CSMD1: variants seen among roughly 807,000 people sequenced by gnomAD.
CSMD1 encodes the protein CUB and sushi domain-containing protein 1.
A neutral mutation model predicts 417.5 loss-of-function variants in CSMD1; 213 were observed. The observed-to-expected ratio is 0.51, with a 90% CI of 0.46 to 0.57. The LOEUF (loss-of-function observed/expected upper bound fraction) is 0.57. CSMD1 is among the 20% of genes least tolerant of loss of function. The pLI is 0.00. For missense variants in CSMD1, 6,923 were observed against 4,529.7 expected (o/e 1.53, Z -15.17); for synonymous variants, 2,862 against 1,736.8 (o/e 1.65, Z -16.11).
In CSMD1 at chr8:4,543,350, T is replaced by C. The variant is rs73661521; in HGVS notation, c.302+93992A>G. 6.2e-3 allele frequency among the ~76,000 whole-genome samples: 950 copies of C among 152,234 alleles called. 10 individuals are homozygous for C. The highest frequency in any genetic ancestry group is 0.022 in the African/African-American group (904 of 41,560). On this transcript the variant is annotated intron_variant, in intron 2 of 69. Transcript: ENST00000635120. ...ACCACCCATCCTTTTAGCGTCCCCATAGTTCTGCCTTTTCCAGAATGTCAT... is the reference window on the plus strand; with the variant it reads ...ACCACCCATCCTTTTAGCGTCCCCACAGTTCTGCCTTTTCCAGAATGTCAT...
intron 1 of CSMD1, among the ~76,000 whole-genome samples, chr8:4,876,004 G>A (rs1350133154): frequency 6.6e-6 from 1 of 151,972 alleles, no homozygotes; most frequent in Non-Finnish European, 1.5e-5. Flanking sequence ...TTATAGTAAA[G>A]AGTAAAAAGT....
At chr8:3,425,129 C>G (rs771071644) in intron 12 of CSMD1, among the ~76,000 whole-genome samples, 1 of 152,188 alleles carries the variant, frequency 6.6e-6, no homozygotes, top group Non-Finnish European at 1.5e-5. Flanking sequence ...CCTATTTTAT[C>G]ATTAGTCATT....
At chr8:2,944,991 T>C (rs1356102541) in intron 68 of CSMD1, among the ~76,000 whole-genome samples, 2 of 152,218 alleles carry the variant, frequency 1.3e-5, no homozygotes, top group Admixed American at 1.3e-4. Flanking sequence ...GTTTGTGAAT[T>C]ACATAACCAA....
chr8:4,805,964 T>C (rs1245834429), intron 1 of CSMD1, among the ~76,000 whole-genome samples: 2 of 152,162 alleles, frequency 1.3e-5, no homozygotes, highest in African/African-American at 4.8e-5. Context: ...GATTTTTTAA[T>C]TACCAAGGGC....
chr8:3,174,870 C>G (rs1820807826), intron 37 of CSMD1, among the ~76,000 whole-genome samples: 2 of 152,058 alleles, frequency 1.3e-5, no homozygotes, highest in East Asian at 3.9e-4. Flanking sequence ...GGCAGTTTAT[C>G]ACTTTAAAAA....
chr8:4,749,694 T>G (rs1479739141), intron 1 of CSMD1, among the ~76,000 whole-genome samples: 2 of 152,194 alleles, frequency 1.3e-5, no homozygotes, highest in South Asian at 2.1e-4. Context: ...AAGTTAGCAA[T>G]TTCAACTTAA....
chr8:4,077,206 G>C (rs983143353), intron 3 of CSMD1, among the ~76,000 whole-genome samples: 1 of 150,170 alleles, frequency 6.7e-6, no homozygotes, highest in African/African-American at 2.5e-5. Flanking sequence ...TCTAAATCCA[G>C]ATGAGAGCTC....
At chr8:4,386,954 G>A (rs1054677146) in intron 3 of CSMD1, among the ~76,000 whole-genome samples, 1 of 152,174 alleles carries the variant, frequency 6.6e-6, no homozygotes, top group Non-Finnish European at 1.5e-5. Flanking sequence ...ATCATGAAGT[G>A]TAATATGTTA....
intron 5 of CSMD1, among the ~76,000 whole-genome samples, chr8:3,841,694 G>T (rs1030007629): frequency 7.9e-5 from 12 of 151,992 alleles, no homozygotes; most frequent in Admixed American, 2.6e-4. Flanking sequence ...TTAGAACCTA[G>T]TGATTATAAT....
intron 33 of CSMD1, among the ~76,000 whole-genome samples, chr8:3,190,375 A>G (rs1052194202): frequency 2.6e-5 from 4 of 152,150 alleles, no homozygotes; most frequent in African/African-American, 9.7e-5. Context: ...CTTCGCCCTC[A>G]GGACCATCTC....
Position 4,919,903 on chromosome 8 carries a change from T to C in CSMD1, c.85+74429A>G, listed in dbSNP as rs551767598. ...CTCCAGAGGGTGCAGCAACAAGGTA[T>C]TCTCTTGGAAGCAGAGAACAGCCCT... On this transcript the variant is annotated intron_variant, in intron 1 of 69. Coordinates refer to ENST00000635120, the MANE Select transcript of CSMD1 (RefSeq NM_033225.6). Among the ~76,000 whole-genome samples, 28 of 152,242 alleles carry C rather than the reference T, an allele frequency of 1.8e-4. No homozygotes were observed. The South Asian group carries it at 5.6e-3, about 30-fold the overall frequency.
At chr8:4,228,641 C>T (rs1268863824) in intron 3 of CSMD1, among the ~76,000 whole-genome samples, 1 of 147,944 alleles carries the variant, frequency 6.8e-6, no homozygotes, top group Non-Finnish European at 1.5e-5. Flanking sequence ...TTTCCAGTCT[C>T]ACCCATTTGC....
chr8:3,682,166 G>A (rs547911690), intron 7 of CSMD1, among the ~76,000 whole-genome samples: 4 of 152,234 alleles, frequency 2.6e-5, no homozygotes, highest in African/African-American at 9.6e-5. Flanking sequence ...AAAAGCAATG[G>A]CAACAAAAGC....
chr8:3,151,199 T>A (rs1424737400), intron 40 of CSMD1, 198 bp downstream of exon 40: 3 of 501,488 alleles, frequency 6.0e-6, no homozygotes, highest in Middle Eastern at 5.2e-4. Flanking sequence ...TTGAAAAGAG[T>A]TGCATGGCTT....
intron 1 of CSMD1, among the ~76,000 whole-genome samples, chr8:4,882,508 G>T (rs1009636952): frequency 6.6e-6 from 1 of 151,746 alleles, no homozygotes; most frequent in Admixed American, 6.6e-5. Context: ...TCAAAGGAAG[G>T]CTTCCTCTCC....
At chr8:4,612,566 G>A (rs1044538105) in intron 2 of CSMD1, among the ~76,000 whole-genome samples, 3 of 152,286 alleles carry the variant, frequency 2.0e-5, no homozygotes, top group East Asian at 1.9e-4. Context: ...TGGAGGAACA[G>A]TGGAATGAAT....
At chr8:2,965,127 C>T (rs929286305) in intron 59 of CSMD1, among the ~76,000 whole-genome samples, 3 of 152,156 alleles carry the variant, frequency 2.0e-5, no homozygotes, top group Admixed American at 1.3e-4. Flanking sequence ...CACGCAAATC[C>T]CTGGCCCTTG....
chr8:4,767,899 G>T (rs892472673), intron 1 of CSMD1, among the ~76,000 whole-genome samples: 1 of 152,054 alleles, frequency 6.6e-6, no homozygotes, highest in Non-Finnish European at 1.5e-5. Flanking sequence ...ACATCTTATT[G>T]TAAAAGATGA....
At chr8:4,954,747 C>A (rs1808976954) in intron 1 of CSMD1, among the ~76,000 whole-genome samples, 1 of 152,028 alleles carries the variant, frequency 6.6e-6, no homozygotes. Flanking sequence ...AGGATAAGAG[C>A]AATATTAATA....
Sources: gnomAD v4.1 joint callset for allele counts (sites outside exome capture counted in the v4.1 genomes callset) on GRCh38, gnomAD v4.1.1 for gene constraint, MANE v1.5 for transcripts, NCBI Gene and HGNC (gene_info 2026-07-23, HGNC 2026-07-21) for gene names.